Variants in IGFL2 observed in about 807,000 individuals in gnomAD.
IGFL2 encodes the protein insulin growth factor-like family member 2.
A neutral mutation model predicts 13.9 loss-of-function variants in IGFL2; 7 were observed. The ratio of observed to expected loss-of-function variants is 0.51; its 90% CI spans 0.29 to 0.95. The LOEUF (loss-of-function observed/expected upper bound fraction) is 0.95, where lower values mean the gene tolerates loss of function less well. Among genes scored for constraint, IGFL2 ranks in the 40% least tolerant of loss-of-function variants. The probability of loss-of-function intolerance (pLI) is 0.08; values close to 1 mark genes in which losing one functional copy is unlikely to be tolerated. For synonymous variants in IGFL2, 55 were observed against 55.8 expected (o/e 0.99, Z 0.07); for missense variants, 138 against 147.8 (o/e 0.93, Z 0.34).
chr19:46,183,180 C>T, the IGFL2 span, among the ~76,000 whole-genome samples: 16 of 152,210 alleles, frequency 1.1e-4, 1 homozygote, highest in South Asian at 2.1e-3. Context: ...AGACGGGGGA[C>T]GTGCCACATT....
the IGFL2 span, among the ~76,000 whole-genome samples, chr19:46,175,549 T>G: frequency 1.4e-5 from 2 of 146,510 alleles, no homozygotes; most frequent in Non-Finnish European, 3.0e-5. Flanking sequence ...TTTGTGCAAT[T>G]TTTTTTTTTA....
the IGFL2 span, chr19:46,137,535 A>C: frequency 9.3e-7 from 1 of 1,081,068 alleles, no homozygotes; most frequent in Non-Finnish European, 1.4e-6. Context: ...GGAAGGTCCA[A>C]GGGAATGTCC....
At chr19:46,186,599 T>G in the IGFL2 span, among the ~76,000 whole-genome samples, 1 of 152,152 alleles carries the variant, frequency 6.6e-6, no homozygotes, top group Admixed American at 6.5e-5. Flanking sequence ...TCACATCCCG[T>G]TTCTCCTAGT....
the IGFL2 span, among the ~76,000 whole-genome samples, chr19:46,129,944 A>G: frequency 1.3e-5 from 2 of 152,144 alleles, no homozygotes. Flanking sequence ...TGATCTGTCT[A>G]ATACTGTCAG....
At chr19:46,103,957 C>T in the IGFL2 span, among the ~76,000 whole-genome samples, 12 of 152,180 alleles carry the variant, frequency 7.9e-5, no homozygotes, top group South Asian at 2.1e-4. Context: ...GTCCTGCAGG[C>T]GGACAGCAGT....
the IGFL2 span, among the ~76,000 whole-genome samples, chr19:46,125,806 T>C: frequency 6.6e-6 from 1 of 152,222 alleles, no homozygotes; most frequent in Non-Finnish European, 1.5e-5. Flanking sequence ...GCTGTCAGCT[T>C]GTTTACTACC....
chr19:46,190,614 G>A, the IGFL2 span, among the ~76,000 whole-genome samples: 1 of 152,142 alleles, frequency 6.6e-6, no homozygotes, highest in Admixed American at 6.5e-5. Flanking sequence ...GAGATAATCA[G>A]GACTGTATCT....
chr19:46,117,277 G>A, the IGFL2 span, among the ~76,000 whole-genome samples: 1 of 152,098 alleles, frequency 6.6e-6, no homozygotes, highest in Non-Finnish European at 1.5e-5. Flanking sequence ...TAGGTATGAG[G>A]TGTCACTATG....
the IGFL2 span, among the ~76,000 whole-genome samples, chr19:46,108,119 G>A: frequency 6.6e-6 from 1 of 152,140 alleles, no homozygotes; most frequent in Non-Finnish European, 1.5e-5. Context: ...ATTGGGACCT[G>A]GCTCAGCCTG....
At chr19:46,123,370 T>C in the IGFL2 span, among the ~76,000 whole-genome samples, 1 of 150,926 alleles carries the variant, frequency 6.6e-6, no homozygotes, top group Admixed American at 6.6e-5. Flanking sequence ...TGCTCAAATT[T>C]ACTGACAGAA....
At chr19:46,120,566 A>T in the IGFL2 span, among the ~76,000 whole-genome samples, 1 of 150,864 alleles carries the variant, frequency 6.6e-6, no homozygotes, top group Non-Finnish European at 1.5e-5. Context: ...CCAGCAACAG[A>T]TCCCAATAAC....
chr19:46,115,081 T>C, the IGFL2 span, among the ~76,000 whole-genome samples: 737 of 152,326 alleles, frequency 4.8e-3, 5 homozygotes, highest in African/African-American at 0.017. Flanking sequence ...CATGCTAATA[T>C]TGAGGACCAG....
At chr19:46,119,822 A>G in the IGFL2 span, among the ~76,000 whole-genome samples, 1 of 150,658 alleles carries the variant, frequency 6.6e-6, no homozygotes, top group African/African-American at 2.5e-5. Context: ...GCTTGCCGGC[A>G]AGGGGATGCA....
chr19:46,080,873 T>C, the IGFL2 span, among the ~76,000 whole-genome samples: 3 of 152,224 alleles, frequency 2.0e-5, no homozygotes, highest in Non-Finnish European at 2.9e-5. Flanking sequence ...GTGGGAGCAG[T>C]GCCTGCTGTG....
At chr19:46,144,512 A>G (rs1028776110), upstream of IGFL2, among the ~76,000 whole-genome samples, 2 of 152,096 alleles carry the variant, frequency 1.3e-5, no homozygotes, top group Admixed American at 6.5e-5. Context: ...TACTTACTCG[A>G]TGTTTATTTT....
intron 1 of IGFL2, 83 bp downstream of exon 1, chr19:46,148,380 T>A: frequency 8.2e-7 from 1 of 1,212,148 alleles, no homozygotes; most frequent in Non-Finnish European, 1.2e-6. Flanking sequence ...AATTCTCTCT[T>A]CCCTATTTAA....
the IGFL2 span, among the ~76,000 whole-genome samples, chr19:46,171,435 C>T: frequency 2.1e-4 from 32 of 152,196 alleles, no homozygotes; most frequent in Non-Finnish European, 3.5e-4. Context: ...CAGATGAGTT[C>T]GAAGATAATC....
chr19:46,135,623 A>G, the IGFL2 span, among the ~76,000 whole-genome samples: 1 of 152,220 alleles, frequency 6.6e-6, no homozygotes. Context: ...TGCAAGAAAC[A>G]TGCTGGAGGA....
At chr19:46,103,244 A>C in the IGFL2 span, among the ~76,000 whole-genome samples, 2 of 152,162 alleles carry the variant, frequency 1.3e-5, no homozygotes, top group African/African-American at 4.8e-5. Context: ...TTCTTTTAAA[A>C]AATATACAGA....
Sources: allele counts gnomAD v4.1 joint callset (sites outside exome capture counted in the v4.1 genomes callset), GRCh38; gene constraint gnomAD v4.1.1; transcripts MANE v1.5; gene names NCBI Gene and HGNC (gene_info 2026-07-23, HGNC 2026-07-21).